Variants in IQCE observed in about 807,000 individuals in gnomAD.
The protein encoded by IQCE is IQ motif containing E.
Under a neutral mutation model 96.0 loss-of-function variants are expected in IQCE, and 115 were observed. That is an observed-to-expected ratio of 1.20 (90% CI 1.03 to 1.40). IQCE has a LOEUF of 1.40. IQCE is among the 40% of genes most tolerant of loss of function. The pLI, the probability that IQCE is intolerant of heterozygous loss-of-function variation, is 0.00. For missense variants in IQCE, 1,041 were observed against 909.1 expected, an observed-to-expected ratio of 1.15 and a Z score of -1.87; for synonymous variants, 412 against 371.2, an observed-to-expected ratio of 1.11 and a Z score of -1.26.
At chr7:2,580,200 G>A (rs1250981571) in intron 8 of IQCE, 1 of 151,948 alleles carries the variant, frequency 6.6e-6, no homozygotes, top group East Asian at 1.9e-4. Context: ...GCCTGGCCAA[G>A]GATTTCGATT....
intron 12 of IQCE, among the ~76,000 whole-genome samples, chr7:2,586,618 G>C (rs1783138592): frequency 6.6e-6 from 1 of 152,214 alleles, no homozygotes; most frequent in South Asian, 2.1e-4. Flanking sequence ...AGAGGAGCTG[G>C]GTCAGATGCG....
chr7:2,563,411 G>A (rs188657603), intron 1 of IQCE, among the ~76,000 whole-genome samples: 29 of 148,576 alleles, frequency 2.0e-4, no homozygotes, highest in African/African-American at 7.0e-4. Flanking sequence ...GTGTGTGTGT[G>A]TACAGGGTTT....
intron 6 of IQCE, among the ~76,000 whole-genome samples, chr7:2,576,942 G>GT (rs990905753): frequency 8.0e-4 from 122 of 152,294 alleles, no homozygotes; most frequent in African/African-American, 2.9e-3. Context: ...GGCGGTATTC[G>GT]TTTAGGCGCG....
intron 19 of IQCE, 139 bp downstream of exon 19, chr7:2,605,130 TGGCCACGCA>T (rs1784706560): frequency 3.1e-6 from 2 of 634,956 alleles, no homozygotes; most frequent in Non-Finnish European, 5.6e-6. Flanking sequence ...GCTCCATCCC[TGGCCACGCA>T]GGCCATGCAG....
At chr7:2,598,435 T>C (rs199935937) in intron 16 of IQCE, 30 bp from the exon 17 acceptor site, 34 of 1,538,962 alleles carry the variant, frequency 2.2e-5, no homozygotes, top group Non-Finnish European at 2.5e-5. Flanking sequence ...CCTGGCTTCA[T>C]TGTCCTCTTA....
At chr7:2,583,213 T>G (rs1755060705) in intron 9 of IQCE, among the ~76,000 whole-genome samples, 1 of 152,228 alleles carries the variant, frequency 6.6e-6, no homozygotes, top group Non-Finnish European at 1.5e-5. Flanking sequence ...CTACTCTCTT[T>G]TGAGACCGAG....
rs1785076797 is a variant in IQCE at position 2,610,984 on chromosome 7, G to A, written c.*822G>A. The A allele has an allele frequency of 6.5e-6, 1 of 152,722 alleles. No homozygotes were observed. The highest frequency in any genetic ancestry group is 1.5e-5 in the Non-Finnish European group (1 of 68,452). The allele number at this position is 152,722 out of a possible 1,614,324, so 9.5% of individuals were successfully genotyped here. On this transcript the variant is annotated 3_prime_UTR_variant, in exon 22 of 22. Transcript: ENST00000402050. ...GGGCCACCCGGGGAAGAGGAGGAGA[G>A]GAGGGTGAGGAGGCAGGCTCGCCGT... is the stretch of plus-strand genomic sequence containing the variant.
At chr7:2,589,542 CTCGAGACTGAAAGCA>C (rs926868018) in intron 13 of IQCE, among the ~76,000 whole-genome samples, 16 of 152,110 alleles carry the variant, frequency 1.1e-4, no homozygotes, top group African/African-American at 3.9e-4. Context: ...CAGGATGTCA[CTCGAGACTGAAAGCA>C]TGAAGGCTGA....
intron 21 of IQCE, among the ~76,000 whole-genome samples, chr7:2,608,473 C>A (rs59287192): frequency 0.12 from 18,173 of 152,258 alleles, 1,244 homozygotes; most frequent in Non-Finnish European, 0.14. Flanking sequence ...TTCGTCAGAG[C>A]TAGAAAACTT....
At chr7:2,596,487 A>C (rs1036855997) in intron 16 of IQCE, among the ~76,000 whole-genome samples, 31 of 150,502 alleles carry the variant, frequency 2.1e-4, no homozygotes, top group Non-Finnish European at 4.4e-5. Context: ...TTTCCTACTC[A>C]GGAAACATTT....
rs1246366298 is a variant in IQCE, at chr7:2,577,458, G to A, written c.466-784G>A. On this transcript the variant is annotated intron_variant, in intron 6 of 21. Transcript: ENST00000402050. ...CGCATTGGCATGTACTTGGCTGTGC[G>A]CGCGGGGACTGTGTGCGGCGTATAC... Among the ~76,000 whole-genome samples, 2 of 74,660 alleles carry A rather than the reference G, an allele frequency of 2.7e-5. 1 individual carries two copies. Among genetic ancestry groups the A allele is most frequent in the Non-Finnish European group, 5.7e-5 (2 of 35,162 alleles). The allele number at this position is 74,660 out of a possible 152,430, so 49.0% of individuals were successfully genotyped here.
In IQCE at chr7:2,601,312, G is replaced by GGGAGGAGCC. The variant is rs909279136; in HGVS notation, c.1609-128_1609-120dup. Reference sequence around the variant, plus strand: ...TTTGCTGGGTCCCGGCAGCTCGGGAGGGAGGAGCCAGGGCAGCCAGGCCTC... The same window carrying GGGAGGAGCC: ...TTTGCTGGGTCCCGGCAGCTCGGGAGGGAGGAGCCGGAGGAGCCAGGGCAGCCAGGCCTC... On this transcript the variant is annotated intron_variant, in intron 17 of 21. Coordinates refer to ENST00000402050, the MANE Select transcript of IQCE (RefSeq NM_152558.5). The GGGAGGAGCC allele has an allele frequency of 4.4e-6, 3 of 686,846 alleles. No homozygotes were observed. In the African/African-American group the frequency reaches 5.5e-5, roughly 13 times the overall value. 42.5% of individuals were successfully genotyped at this position (686,846 alleles called of 1,614,324 possible). A position where few individuals can be genotyped will look rare whatever the true frequency, so the allele number is the denominator to read the frequency against.
rs1783438323 is a variant in IQCE, at chr7:2,589,831, T to C, written c.1045-76T>C. On this transcript the variant is annotated intron_variant, in intron 13 of 21. Coordinates refer to ENST00000402050, the MANE Select transcript of IQCE (RefSeq NM_152558.5). ...GGAGACTCAGTTTGCCCTGGTTCAGTGTCTCTTTTCTGGGTTTGGTAAATA... is the reference window on the plus strand; with the variant it reads ...GGAGACTCAGTTTGCCCTGGTTCAGCGTCTCTTTTCTGGGTTTGGTAAATA... 21 of 1,439,460 alleles carry C rather than the reference T, an allele frequency of 1.5e-5. 1 individual carries two copies. The South Asian group carries it at 2.5e-4, about 17-fold the overall frequency. 89.2% of individuals were successfully genotyped at this position (1,439,460 alleles called of 1,614,324 possible).
intron 11 of IQCE, among the ~76,000 whole-genome samples, chr7:2,585,840 G>T (rs1296771084): frequency 2.0e-5 from 3 of 152,160 alleles, no homozygotes; most frequent in Non-Finnish European, 2.9e-5. Flanking sequence ...AATGAGGATC[G>T]ACTGTACTTT....
intron 16 of IQCE, 169 bp from the exon 17 acceptor site, chr7:2,598,296 G>C (rs889216365): frequency 5.1e-6 from 3 of 591,910 alleles, no homozygotes; most frequent in Admixed American, 5.7e-5. Context: ...ACAAGAGACC[G>C]CTGTCATGTG....
chr7:2,587,983 C>A, intron 13 of IQCE, 106 bp downstream of exon 13: 1 of 1,079,460 alleles, frequency 9.3e-7, no homozygotes, highest in South Asian at 1.3e-5. Flanking sequence ...CACTGGCTGT[C>A]TGCCAGGCAG....
chr7:2,581,005 G>T (rs1472439744), intron 8 of IQCE, among the ~76,000 whole-genome samples: 1 of 151,864 alleles, frequency 6.6e-6, no homozygotes, highest in Non-Finnish European at 1.5e-5. Context: ...CACCATGCCC[G>T]GCTAATTTTT....
At chr7:2,559,447 A>G in intron 1 of IQCE, 1 of 278,948 alleles carries the variant, frequency 3.6e-6, no homozygotes, top group African/African-American at 2.3e-5. Context: ...GCTTCCAGGA[A>G]GCTCTCCGGG....
intron 1 of IQCE, among the ~76,000 whole-genome samples, chr7:2,565,676 G>A (rs1781319254): frequency 1.3e-5 from 2 of 152,112 alleles, no homozygotes; most frequent in South Asian, 2.1e-4. Context: ...TCCAGTTCCC[G>A]GCCTGCCCTT....
Sources: gnomAD v4.1 joint callset for allele counts (sites outside exome capture counted in the v4.1 genomes callset) on GRCh38, gnomAD v4.1.1 for gene constraint, MANE v1.5 for transcripts, NCBI Gene and HGNC (gene_info 2026-07-23, HGNC 2026-07-21) for gene names.